TPM1: variants seen among roughly 807,000 people sequenced by gnomAD.
TPM1 encodes tropomyosin alpha-1 chain.
TPM1 carries 24 observed loss-of-function variants against 42.9 expected under a neutral mutation model. The ratio of observed to expected loss-of-function variants is 0.56; its 90% CI spans 0.41 to 0.79. The LOEUF (loss-of-function observed/expected upper bound fraction) is 0.79, where lower values mean the gene tolerates loss of function less well. TPM1 is among the 30% of genes least tolerant of loss of function. TPM1 has a pLI of 0.00. For synonymous variants in TPM1, 136 were observed against 130.1 expected (o/e 1.05, Z -0.31); for missense variants, 158 against 351.8 (o/e 0.45, Z 4.41).
At position 63,042,758 on chromosome 15, in the gene TPM1, C is replaced by G. The variant is rs1423530971; in HGVS notation, c.-72C>G. 5 of 1,315,718 alleles carry G rather than the reference C, an allele frequency of 3.8e-6. No individual in the cohort carries two copies. The African/African-American group carries it at 5.8e-5, about 15-fold the overall frequency. The allele number at this position is 1,315,718 out of a possible 1,614,324, so 81.5% of individuals were successfully genotyped here. A position where few individuals can be genotyped will look rare whatever the true frequency, so the allele number is the denominator to read the frequency against. On this transcript the variant is annotated 5_prime_UTR_variant, in exon 1 of 10. Coordinates refer to ENST00000403994, the MANE Select transcript of TPM1 (RefSeq NM_001018005.2). ...GCAGGCGGCTCCGCGCTCGCACTCC[C>G]GCTCCTCCGCCCGACCGCGCGCTCG...
In TPM1 at chr15:63,043,050, C is replaced by A; in HGVS notation, c.114+107C>A. On this transcript the variant is annotated intron_variant, in intron 1 of 9. Coordinates refer to ENST00000403994, the MANE Select transcript of TPM1 (RefSeq NM_001018005.2). ...GGACTCGGGGAGCCACCACCCTACC[C>A]CCACCACCACCCAGGGCGGCCAGGG... 5.2e-6 allele frequency: 5 copies of A among 960,502 alleles called. 1 individual carries two copies. The highest frequency in any genetic ancestry group is 8.1e-6 in the Non-Finnish European group (5 of 617,104). 59.5% of individuals were successfully genotyped at this position (960,502 alleles called of 1,614,324 possible). A position where few individuals can be genotyped will look rare whatever the true frequency, so the allele number is the denominator to read the frequency against.
At position 63,064,066 on chromosome 15, in the gene TPM1, G is replaced by A. The variant is rs397516389; in HGVS notation, c.775G>A (p.Glu259Lys). Residue 259 changes from glutamate (E) to lysine (K), a missense_variant and splice_region_variant, in exon 9 of 10, where the codon GAG becomes AAG. Physicochemically the swap from Glu to Lys is moderately conservative, Grantham distance 56. Transcript: ENST00000403994. The stretch of plus-strand genomic sequence containing the variant: ...TGCCTTCCACTTCCTGGTCATAGAC[G>A]AGCTGTACGCTCAGAAACTGAAGTA... ...LEKSIDDLED[E>K]LYAQKLKYKA... 1.2e-6 allele frequency: 2 copies of A among 1,613,886 alleles called. No homozygotes were observed. Among genetic ancestry groups the A allele is most frequent in the Non-Finnish European group, 1.7e-6 (2 of 1,179,990 alleles).
intron 2 of TPM1, chr15:63,045,154 G>A (rs897671354): frequency 2.0e-5 from 3 of 152,192 alleles, no homozygotes; most frequent in Middle Eastern, 3.4e-3. Flanking sequence ...TTGAAACACC[G>A]AGAGCAACAG....
At position 63,060,461 on chromosome 15, in the gene TPM1, C is replaced by T. The variant is rs939095741; in HGVS notation, c.493-408C>T. ...TTCCACTGCAGTAAGGAGGTAGATG[C>T]ACAGATCAGCCATCAAATTGATGGA... On this transcript the variant is annotated intron_variant, in intron 4 of 9. Coordinates refer to ENST00000403994, the MANE Select transcript of TPM1 (RefSeq NM_001018005.2). Among the ~76,000 whole-genome samples, 3 of 152,236 alleles carry T rather than the reference C, an allele frequency of 2.0e-5. No homozygotes were observed. In the East Asian group the frequency reaches 5.8e-4, roughly 29 times the overall value.
chr15:63,063,930 G>C (rs566853087), intron 8 of TPM1, 134 bp from the exon 9 acceptor site: 1 of 1,325,578 alleles, frequency 7.5e-7, no homozygotes, highest in Non-Finnish European at 1.0e-6. Flanking sequence ...CACCTGCTGC[G>C]GCACCAACCC....
chr15:63,052,321 G>A (rs751296969), intron 2 of TPM1, among the ~76,000 whole-genome samples: 2 of 152,266 alleles, frequency 1.3e-5, no homozygotes, highest in Admixed American at 6.5e-5. Flanking sequence ...TCAGCAGTTC[G>A]AGACTAGCCT....
chr15:63,071,369 C>T (rs1362912587), exon 9 of TPM1: 1 of 565,304 alleles, frequency 1.8e-6, no homozygotes, highest in Non-Finnish European at 3.1e-6. Flanking sequence ...TCAAATGTGC[C>T]ATTTCCCGGG....
chr15:63,070,886 T>A, downstream of TPM1: 2 of 1,361,716 alleles, frequency 1.5e-6, no homozygotes, highest in Non-Finnish European at 1.9e-6. Context: ...TCTGTGAGAA[T>A]CCGTGCCATG....
At chr15:63,043,175 C>G in intron 1 of TPM1, 4 of 566,438 alleles carry the variant, frequency 7.1e-6, no homozygotes, top group South Asian at 4.0e-5. Context: ...TCCCATGGCC[C>G]GCGAAATCAA....
downstream of TPM1, chr15:63,070,788 T>G (rs534642379): frequency 1.8e-4 from 223 of 1,212,704 alleles, 1 homozygote; most frequent in African/African-American, 3.3e-3. Context: ...CCTCTCCCTG[T>G]TCCCACGGCA....
intron 2 of TPM1, among the ~76,000 whole-genome samples, chr15:63,050,305 CG>C (rs1566947035): frequency 6.6e-6 from 1 of 151,962 alleles, no homozygotes; most frequent in Non-Finnish European, 1.5e-5. Context: ...TTTGTTGGGG[CG>C]GGGGGCTTGA....
intron 8 of TPM1, 49 bp from the exon 9 acceptor site, chr15:63,064,014 TG>T: frequency 6.2e-7 from 1 of 1,609,404 alleles, no homozygotes. Context: ...CTCCATTTCT[TG>T]ATCACTCTCC....
intron 2 of TPM1, chr15:63,048,569 C>T (rs1410684096): frequency 1.3e-6 from 2 of 1,524,372 alleles, no homozygotes; most frequent in East Asian, 2.6e-5. Context: ...GCCTACCGTC[C>T]GGCGCGATGG....
chr15:63,061,807 G>A lies in TPM1; in HGVS notation c.639+19G>A. 6.2e-7 allele frequency: 1 copy of A among 1,611,820 alleles called. No homozygotes were observed. The highest frequency in any genetic ancestry group is 8.5e-7 in the Non-Finnish European group (1 of 1,177,952). ...TGAGAAGGTAGGCCAGGAGGATGGT[G>A]TGGGGGAAAGGCATCTTTTAAGAGC... On this transcript the variant is annotated intron_variant, in intron 6 of 9. Coordinates refer to ENST00000403994, the MANE Select transcript of TPM1 (RefSeq NM_001018005.2).
chr15:63,051,667 C>G (rs1197234092), intron 2 of TPM1, among the ~76,000 whole-genome samples: 2 of 152,134 alleles, frequency 1.3e-5, no homozygotes, highest in South Asian at 4.1e-4. Context: ...ATAAAAAGAC[C>G]TGACCTTTGA....
At chr15:63,054,796 A>G (rs1227127079) in intron 2 of TPM1, among the ~76,000 whole-genome samples, 3 of 152,206 alleles carry the variant, frequency 2.0e-5, no homozygotes, top group South Asian at 2.1e-4. Flanking sequence ...TAGACACTCT[A>G]TGGAGGCTTT....
At chr15:63,063,785 T>C in intron 8 of TPM1, 1 of 388,050 alleles carries the variant, frequency 2.6e-6, no homozygotes, top group South Asian at 4.2e-5. Flanking sequence ...CAATTTAACA[T>C]GGTTTACTGA....
chr15:63,051,893 GTTT>G (rs5813189), intron 2 of TPM1, among the ~76,000 whole-genome samples: 7 of 96,992 alleles, frequency 7.2e-5, no homozygotes, highest in African/African-American at 2.3e-4. Flanking sequence ...CATAAAAGTT[GTTT>G]TTTTTTTTTT....
intron 2 of TPM1, chr15:63,046,117 C>G (rs1401367451): frequency 1.3e-5 from 2 of 152,170 alleles, no homozygotes; most frequent in African/African-American, 4.8e-5. Flanking sequence ...GTATAGCCTA[C>G]TAAACACCTA....
Sources: allele counts gnomAD v4.1 joint callset (sites outside exome capture counted in the v4.1 genomes callset), GRCh38; gene constraint gnomAD v4.1.1; transcripts MANE v1.5; gene names NCBI Gene and HGNC (gene_info 2026-07-23, HGNC 2026-07-21).